Variants in APOBEC2 observed in about 807,000 individuals in gnomAD.
APOBEC2 encodes C->U-editing enzyme APOBEC-2.
A neutral mutation model predicts 19.4 loss-of-function variants in APOBEC2; 14 were observed. The ratio of observed to expected loss-of-function variants is 0.72; its 90% CI spans 0.48 to 1.13. The LOEUF is 1.13. Ranked by LOEUF, APOBEC2 falls within the 50% of genes most tolerant of loss-of-function variation. The probability of loss-of-function intolerance (pLI) is 0.00; values close to 1 mark genes in which losing one functional copy is unlikely to be tolerated. For synonymous variants in APOBEC2, 127 were observed against 112.1 expected (o/e 1.13, Z -0.84); for missense variants, 304 against 277.0 (o/e 1.10, Z -0.69).
chr6:41,061,214 G>T, intron 1 of APOBEC2, 114 bp from the exon 2 acceptor site: 8 of 395,770 alleles, frequency 2.0e-5, no homozygotes, highest in East Asian at 5.4e-5. Context: ...CCTATTTATA[G>T]TAAGAGTGAA....
chr6:41,059,315 G>C (rs1052615430), intron 1 of APOBEC2, among the ~76,000 whole-genome samples: 9 of 152,160 alleles, frequency 5.9e-5, no homozygotes, highest in African/African-American at 1.9e-4. Context: ...ATTAGACTTG[G>C]GGAGTGGGGC....
intron 1 of APOBEC2, 109 bp from the exon 2 acceptor site, chr6:41,061,219 A>G: frequency 1.7e-6 from 1 of 575,622 alleles, no homozygotes; most frequent in Non-Finnish European, 2.7e-6. Context: ...TTATAGTAAG[A>G]GTGAATGCAT....
At chr6:41,054,106 G>T (rs1471483153) in intron 1 of APOBEC2, among the ~76,000 whole-genome samples, 1 of 152,206 alleles carries the variant, frequency 6.6e-6, no homozygotes, top group Non-Finnish European at 1.5e-5. Flanking sequence ...ATGGACACAG[G>T]AGCTGTTCCA....
In APOBEC2 at chr6:41,061,660, TC is replaced by T. The variant is rs1762878678; in HGVS notation, c.465del (p.Phe155LeufsTer12). ...CTGCTCATTCTGGTGGGTCGACTCT[TC>T]ATGTGGGAGGAGCCGGAGATCCAGG... Reference protein sequence around the residue: ...LRLLILVGRLFMWEEPEIQAA... With the variant: ...LRLLILVGRLXMWEEPEIQAA... On this transcript the variant is annotated frameshift_variant, in exon 2 of 3. Transcript: ENST00000244669. LOFTEE classifies it high-confidence loss of function. 3 of 1,614,204 alleles carry T rather than the reference TC, an allele frequency of 1.9e-6. No individual in the cohort carries two copies. The highest frequency in any genetic ancestry group is 2.5e-6 in the Non-Finnish European group (3 of 1,180,026).
At chr6:41,053,689 G>C (rs1312050341) in intron 1 of APOBEC2, among the ~76,000 whole-genome samples, 1 of 152,132 alleles carries the variant, frequency 6.6e-6, no homozygotes, top group Non-Finnish European at 1.5e-5. Flanking sequence ...TCTCTAATCA[G>C]GGAGAGGTAG....
At chr6:41,055,333 G>A (rs1273267828) in intron 1 of APOBEC2, among the ~76,000 whole-genome samples, 1 of 152,240 alleles carries the variant, frequency 6.6e-6, no homozygotes, top group South Asian at 2.1e-4. Context: ...TCTGTGAACA[G>A]TTCAGGTGGG....
Position 41,053,257 on chromosome 6 carries a change from G to A in APOBEC2, c.-91G>A, listed in dbSNP as rs1762752841. Reference sequence around the variant, plus strand: ...TCATCCCCAGCCAGATTTAGCTGCTGACAGCTGCTTGGGACTCTGCCGCCA... The same window carrying A: ...TCATCCCCAGCCAGATTTAGCTGCTAACAGCTGCTTGGGACTCTGCCGCCA... On this transcript the variant is annotated 5_prime_UTR_variant, in exon 1 of 3. Coordinates refer to ENST00000244669, the MANE Select transcript of APOBEC2 (RefSeq NM_006789.4). 2.0e-6 allele frequency: 3 copies of A among 1,502,094 alleles called. No homozygotes were observed. Among genetic ancestry groups the A allele is most frequent in the Non-Finnish European group, 8.9e-7 (1 of 1,125,212 alleles). The allele number at this position is 1,502,094 out of a possible 1,614,324, so 93.0% of individuals were successfully genotyped here.
chr6:41,057,914 T>C (rs1041915832), intron 1 of APOBEC2, among the ~76,000 whole-genome samples: 3 of 152,176 alleles, frequency 2.0e-5, no homozygotes, highest in Non-Finnish European at 2.9e-5. Context: ...GGACTCTCTG[T>C]TTCCTCCCAA....
intron 1 of APOBEC2, among the ~76,000 whole-genome samples, chr6:41,060,783 AG>A (rs1762860226): frequency 6.6e-6 from 1 of 152,256 alleles, no homozygotes; most frequent in African/African-American, 2.4e-5. Flanking sequence ...ATGAGTTACA[AG>A]GAAGAGAAAA....
intron 1 of APOBEC2, among the ~76,000 whole-genome samples, chr6:41,055,909 A>G (rs1762789244): frequency 6.6e-6 from 1 of 152,110 alleles, no homozygotes; most frequent in South Asian, 2.1e-4. Flanking sequence ...TACCTTATGG[A>G]AATCAGCAAA....
rs1308173274 is a variant in APOBEC2 at position 41,061,541 on chromosome 6, G to A, written c.345G>A (p.Leu115=). Reference sequence around the variant, plus strand: ...TCCTGCCAGCCTTCGACCCAGCCCTGCGGTACAATGTCACCTGGTATGTGT... The same window carrying A: ...TCCTGCCAGCCTTCGACCCAGCCCTACGGTACAATGTCACCTGGTATGTGT... The part of the protein sequence containing the change: ...NTILPAFDPA[L]RYNVTWYVSS... Residue 115 remains leucine, a synonymous_variant, in exon 2 of 3, where the codon CTG becomes CTA. Transcript: ENST00000244669. 1 of 1,614,096 alleles carries A rather than the reference G, an allele frequency of 6.2e-7. No homozygotes were observed. The highest frequency in any genetic ancestry group is 8.5e-7 in the Non-Finnish European group (1 of 1,180,040).
chr6:41,054,071 T>C (rs1250909480), intron 1 of APOBEC2, among the ~76,000 whole-genome samples: 1 of 152,116 alleles, frequency 6.6e-6, no homozygotes, highest in East Asian at 1.9e-4. Flanking sequence ...AGAAATTACA[T>C]GCAGATAACG....
chr6:41,061,329 G>C lies in APOBEC2; in HGVS notation c.133G>C (p.Glu45Gln), dbSNP rs779925818. ...ELPPFEIVTG[E>Q]RLPANFFKFQ... The stretch of plus-strand genomic sequence containing the variant: ...TCCTTTTGTCTCCTTGACCTACAGA[G>C]AACGGCTGCCTGCCAACTTCTTTAA... The change falls in exon 2 of 3, where the codon GAA becomes CAA. Residue 45 changes from glutamate to glutamine, a missense_variant and splice_region_variant. Physicochemically the swap from Glu to Gln is conservative, Grantham distance 29. Coordinates refer to ENST00000244669, the MANE Select transcript of APOBEC2 (RefSeq NM_006789.4). The C allele has an allele frequency of 6.6e-7, 1 of 1,526,254 alleles. No individual in the cohort carries two copies. The highest frequency in any genetic ancestry group is 2.2e-5 in the Admixed American group (1 of 46,356). The allele number at this position is 1,526,254 out of a possible 1,614,324, so 94.5% of individuals were successfully genotyped here.
chr6:41,060,781 CAAGG>C (rs1762860162), intron 1 of APOBEC2, among the ~76,000 whole-genome samples: 1 of 152,198 alleles, frequency 6.6e-6, no homozygotes, highest in East Asian at 1.9e-4. Flanking sequence ...ACATGAGTTA[CAAGG>C]AAGAGAAAAA....
chr6:41,060,546 G>A (rs1033382358), intron 1 of APOBEC2, among the ~76,000 whole-genome samples: 1 of 152,186 alleles, frequency 6.6e-6, no homozygotes, highest in African/African-American at 2.4e-5. Context: ...AGCATCTGGA[G>A]GGCAGAGACC....
rs1231131092 is a variant in APOBEC2 at position 41,053,202 on chromosome 6, C to T, written c.-146C>T. On this transcript the variant is annotated 5_prime_UTR_variant, in exon 1 of 3. Transcript: ENST00000244669. ...AGCCTGTGGCTAAGTGGGGAAAGCA[C>T]GAAGCCTGGCCTGCTGGGTCCTTTT... 9 of 1,135,738 alleles carry T rather than the reference C, an allele frequency of 7.9e-6. No homozygotes were observed. The highest frequency in any genetic ancestry group is 2.4e-5 in the Admixed American group (1 of 41,060). The allele number at this position is 1,135,738 out of a possible 1,614,324, so 70.4% of individuals were successfully genotyped here.
chr6:41,056,243 T>C (rs1762793227), intron 1 of APOBEC2, among the ~76,000 whole-genome samples: 1 of 152,184 alleles, frequency 6.6e-6, no homozygotes, highest in African/African-American at 2.4e-5. Context: ...TGCCTCAGCC[T>C]CCCAAGTAGC....
rs922722488 is a variant in APOBEC2, at chr6:41,061,786, G to A, written c.590G>A (p.Gly197Asp). 1.2e-6 allele frequency: 2 copies of A among 1,614,224 alleles called. No individual in the cohort carries two copies. Among genetic ancestry groups the A allele is most frequent in the Non-Finnish European group, 1.7e-6 (2 of 1,180,048 alleles). The change falls in exon 2 of 3, where the codon GGT becomes GAT. Residue 197 changes from glycine to aspartate, a missense_variant. Physicochemically the swap from Gly to Asp is moderately conservative, Grantham distance 94 (BLOSUM62 -1). Transcript: ENST00000244669. The stretch of plus-strand genomic sequence containing the variant: ...CAGAATTTTGTGGAGCAAGAAGAGG[G>A]TGAATCCAAGGCCTTTCAGCCCTGG... ...VWQNFVEQEE[G>D]ESKAFQPWED...
Position 41,059,850 on chromosome 6 carries a change from T to C in APOBEC2, c.132-1478T>C, listed in dbSNP as rs1033020743. The stretch of plus-strand genomic sequence containing the variant: ...CAGCCCAGGGAGTCTGTTGACTTCT[T>C]TGGGGAAAGAGAAGAGGTGGAGACA... On this transcript the variant is annotated intron_variant, in intron 1 of 2. Coordinates refer to ENST00000244669, the MANE Select transcript of APOBEC2 (RefSeq NM_006789.4). 7.9e-5 allele frequency among the ~76,000 whole-genome samples: 12 copies of C among 152,270 alleles called. No individual in the cohort carries two copies. In the South Asian group the frequency reaches 1.0e-3, roughly 13 times the overall value.
Sources: gnomAD v4.1 joint callset for allele counts (sites outside exome capture counted in the v4.1 genomes callset) on GRCh38, gnomAD v4.1.1 for gene constraint, MANE v1.5 for transcripts, NCBI Gene and HGNC (gene_info 2026-07-23, HGNC 2026-07-21) for gene names.